The following FGD4 variants were observed in gnomAD, a reference collection of about 807,000 sequenced individuals.
FGD4 encodes FYVE, RhoGEF and PH domain-containing protein 4.
Under a neutral mutation model 102.0 loss-of-function variants are expected in FGD4, and 42 were observed. That is an observed-to-expected ratio of 0.41 (90% CI 0.32 to 0.53). The LOEUF (loss-of-function observed/expected upper bound fraction) is 0.53. Among genes scored for constraint, FGD4 ranks in the 20% least tolerant of loss-of-function variants. FGD4 has a pLI of 0.21. For missense variants in FGD4, 902 were observed against 1,078.2 expected, an observed-to-expected ratio of 0.84 and a Z score of 2.29; for synonymous variants, 380 against 375.7, an observed-to-expected ratio of 1.01 and a Z score of -0.13.
intron 1 of FGD4, among the ~76,000 whole-genome samples, chr12:32,400,612 A>C (rs1298946880): frequency 6.6e-6 from 1 of 152,216 alleles, no homozygotes; most frequent in Non-Finnish European, 1.5e-5. Context: ...GATCTATTCA[A>C]GGCCACGTAA....
At chr12:32,621,115 C>T (rs1382275758) in intron 11 of FGD4, among the ~76,000 whole-genome samples, 1 of 151,958 alleles carries the variant, frequency 6.6e-6, no homozygotes, top group Non-Finnish European at 1.5e-5. Context: ...TGGCTCACAC[C>T]TGTAATCCCA....
intron 1 of FGD4, among the ~76,000 whole-genome samples, chr12:32,480,600 A>G (rs1375537286): frequency 6.6e-6 from 1 of 151,350 alleles, no homozygotes; most frequent in East Asian, 2.0e-4. Context: ...TCCCAGGTTG[A>G]AGTGATTCTC....
At chr12:32,542,491 C>G (rs1381871293) in intron 1 of FGD4, among the ~76,000 whole-genome samples, 1 of 152,150 alleles carries the variant, frequency 6.6e-6, no homozygotes, top group Non-Finnish European at 1.5e-5. Flanking sequence ...CTTGTGAAAA[C>G]TTATGAAATA....
intron 1 of FGD4, among the ~76,000 whole-genome samples, chr12:32,458,284 C>T (rs1371204971): frequency 6.6e-6 from 1 of 152,090 alleles, no homozygotes; most frequent in Non-Finnish European, 1.5e-5. Flanking sequence ...GATCTTCCCA[C>T]CTCAGCCTCC....
intron 1 of FGD4, among the ~76,000 whole-genome samples, chr12:32,540,005 CAG>C (rs1942672021): frequency 6.6e-6 from 1 of 151,956 alleles, no homozygotes; most frequent in African/African-American, 2.4e-5. Context: ...TTATTTCCAT[CAG>C]AGTTACTAAT....
intron 4 of FGD4, 193 bp downstream of exon 4, chr12:32,582,660 A>C (rs1473828522): frequency 1.0e-5 from 7 of 688,856 alleles, no homozygotes; most frequent in Non-Finnish European, 1.7e-5. Flanking sequence ...TTTTCTTTTC[A>C]TGTAGTTTCT....
chr12:32,475,438 C>T (rs1034984587), intron 1 of FGD4, among the ~76,000 whole-genome samples: 21 of 152,226 alleles, frequency 1.4e-4, no homozygotes, highest in African/African-American at 5.1e-4. Flanking sequence ...GTGAAAATAA[C>T]CTTTTATTGT....
rs1204382416 is a variant in FGD4, at chr12:32,642,223, TA to T, written c.*1691del. 6.6e-6 allele frequency: 1 copy of T among 152,118 alleles called. No individual in the cohort carries two copies. The highest frequency in any genetic ancestry group is 2.4e-5 in the African/African-American group (1 of 41,448). 9.4% of individuals were successfully genotyped at this position (152,118 alleles called of 1,614,324 possible). On this transcript the variant is annotated 3_prime_UTR_variant, in exon 17 of 17. Coordinates refer to ENST00000534526, the MANE Select transcript of FGD4 (RefSeq NM_001370298.3). ...AGATGGAGCCAAAAAGAGATAAAAG[TA>T]GCTTCTTAGGCCCTATTAAATCAGG... is the stretch of plus-strand genomic sequence containing the variant.
At chr12:32,514,515 T>C (rs1209224988) in intron 1 of FGD4, among the ~76,000 whole-genome samples, 1 of 151,908 alleles carries the variant, frequency 6.6e-6, no homozygotes, top group Non-Finnish European at 1.5e-5. Flanking sequence ...CCAGGAAGCT[T>C]TTTGTTTTTG....
At chr12:32,569,742 C>T (rs1945486229) in intron 2 of FGD4, among the ~76,000 whole-genome samples, 1 of 152,098 alleles carries the variant, frequency 6.6e-6, no homozygotes, top group African/African-American at 2.4e-5. Flanking sequence ...GCTCAAGTGG[C>T]TAGAACCTAG....
intron 1 of FGD4, 94 bp downstream of exon 1, chr12:32,400,053 C>T: frequency 7.2e-7 from 1 of 1,388,256 alleles, no homozygotes. Context: ...CCTCTCGTCC[C>T]CCGCTGCGGA....
At chr12:32,596,287 A>C (rs1947887543) in intron 4 of FGD4, among the ~76,000 whole-genome samples, 1 of 152,248 alleles carries the variant, frequency 6.6e-6, no homozygotes, top group African/African-American at 2.4e-5. Flanking sequence ...CAGCAGTCAA[A>C]AGAAAAGCAT....
intron 1 of FGD4, among the ~76,000 whole-genome samples, chr12:32,537,053 C>T (rs1007259301): frequency 2.0e-5 from 3 of 152,060 alleles, no homozygotes; most frequent in South Asian, 2.1e-4. Flanking sequence ...GGACTACAGG[C>T]ACCCGCCACC....
intron 1 of FGD4, among the ~76,000 whole-genome samples, chr12:32,520,440 G>GTTTTTT (rs1167066001): frequency 0.15 from 20,011 of 132,158 alleles, 1,783 homozygotes; most frequent in Middle Eastern, 0.28. Flanking sequence ...TTTGTTTTTT[G>GTTTTTT]TTTTTTTTTT....
chr12:32,434,780 T>C (rs1354567763), intron 1 of FGD4, among the ~76,000 whole-genome samples: 5 of 152,236 alleles, frequency 3.3e-5, no homozygotes, highest in African/African-American at 1.2e-4. Flanking sequence ...TGCAAAAATC[T>C]ACACAATGTG....
chr12:32,466,665 C>T (rs1175887918), intron 1 of FGD4, among the ~76,000 whole-genome samples: 1 of 151,842 alleles, frequency 6.6e-6, no homozygotes, highest in African/African-American at 2.4e-5. Flanking sequence ...GCCAGGAGTT[C>T]GAAACCAGCC....
At chr12:32,619,173 A>G (rs769961477) in intron 10 of FGD4, among the ~76,000 whole-genome samples, 2 of 152,242 alleles carry the variant, frequency 1.3e-5, no homozygotes, top group Non-Finnish European at 2.9e-5. Flanking sequence ...TCAATAAAAT[A>G]TGTATAAGCC....
intron 1 of FGD4, among the ~76,000 whole-genome samples, chr12:32,541,415 G>A (rs992228990): frequency 3.9e-5 from 6 of 152,186 alleles, no homozygotes. Flanking sequence ...TTGCCAGGCT[G>A]GAGTACAGTG....
intron 1 of FGD4, among the ~76,000 whole-genome samples, chr12:32,510,594 C>A (rs1939260421): frequency 6.6e-6 from 1 of 151,802 alleles, no homozygotes; most frequent in Non-Finnish European, 1.5e-5. Context: ...GGACGATAAA[C>A]CTGTTGTAAG....
Sources: gnomAD v4.1 joint callset for allele counts (sites outside exome capture counted in the v4.1 genomes callset) on GRCh38, gnomAD v4.1.1 for gene constraint, MANE v1.5 for transcripts, NCBI Gene and HGNC (gene_info 2026-07-23, HGNC 2026-07-21) for gene names.